TTC28: variants seen among roughly 807,000 people sequenced by gnomAD.
The protein encoded by TTC28 is tetratricopeptide repeat protein 28.
TTC28 carries 61 observed loss-of-function variants against 198.0 expected under a neutral mutation model. That is an observed-to-expected ratio of 0.31 (90% CI 0.25 to 0.38). The LOEUF is 0.38. TTC28 is among the 10% of genes least tolerant of loss of function. The pLI is 1.00. For synonymous variants in TTC28, 1,171 were observed against 1,297.8 expected, an observed-to-expected ratio of 0.90 and a Z score of 2.10; for missense variants, 2,678 against 3,164.0, an observed-to-expected ratio of 0.85 and a Z score of 3.69.
intron 13 of TTC28, among the ~76,000 whole-genome samples, chr22:28,020,666 G>A (rs1485035091): frequency 3.9e-5 from 6 of 152,150 alleles, no homozygotes; most frequent in East Asian, 3.9e-4. Flanking sequence ...CAGTGCCTGC[G>A]AGCGAGGATG....
At chr22:28,203,139 A>G (rs902203895) in intron 5 of TTC28, among the ~76,000 whole-genome samples, 25 of 151,802 alleles carry the variant, frequency 1.6e-4, no homozygotes, top group Non-Finnish European at 3.5e-4. Flanking sequence ...TTTTTAGTGG[A>G]AAAAAAACAT....
At chr22:28,074,522 GTC>G (rs1941103465) in intron 12 of TTC28, among the ~76,000 whole-genome samples, 2 of 152,162 alleles carry the variant, frequency 1.3e-5, no homozygotes, top group Non-Finnish European at 2.9e-5. Flanking sequence ...AGTCTGTTTC[GTC>G]TGGTGTTCAA....
chr22:28,037,294 C>G (rs1259464963), intron 12 of TTC28, among the ~76,000 whole-genome samples: 3 of 152,134 alleles, frequency 2.0e-5, no homozygotes, highest in Non-Finnish European at 4.4e-5. Context: ...CCGAATCCAG[C>G]AACACATCAA....
At chr22:28,039,146 T>C (rs986204599) in intron 12 of TTC28, among the ~76,000 whole-genome samples, 19 of 152,148 alleles carry the variant, frequency 1.2e-4, no homozygotes, top group African/African-American at 4.3e-4. Flanking sequence ...GAAATACCAT[T>C]TGACCCAGCC....
intron 2 of TTC28, among the ~76,000 whole-genome samples, chr22:28,604,297 T>TATATATATATATATATATATATATATA (rs1053139903): frequency 1.9e-4 from 22 of 114,052 alleles, no homozygotes; most frequent in Non-Finnish European, 2.7e-4. Context: ...AAAAAAAAAA[T>TATATATATATATATATATATATATATA]TATATATATA....
intron 6 of TTC28, among the ~76,000 whole-genome samples, chr22:28,153,240 G>A (rs1242782844): frequency 6.6e-6 from 1 of 151,684 alleles, no homozygotes; most frequent in Non-Finnish European, 1.5e-5. Flanking sequence ...CTGTAAATAA[G>A]AGGAATAATA....
intron 2 of TTC28, among the ~76,000 whole-genome samples, chr22:28,603,375 C>CT (rs538025629): frequency 0.078 from 11,495 of 146,856 alleles, 522 homozygotes; most frequent in Non-Finnish European, 0.099. Context: ...AATTTTCTTT[C>CT]TTTTTTTTTT....
At chr22:28,505,449 AC>A (rs2048598657) in intron 2 of TTC28, among the ~76,000 whole-genome samples, 1 of 152,092 alleles carries the variant, frequency 6.6e-6, no homozygotes, top group Non-Finnish European at 1.5e-5. Context: ...AAGGAGGACC[AC>A]AGAAAGCAGA....
intron 13 of TTC28, among the ~76,000 whole-genome samples, chr22:28,015,419 T>TAAAAAAAAAAAAAAA: frequency 9.1e-6 from 1 of 109,666 alleles, no homozygotes; most frequent in Non-Finnish European, 1.8e-5. Context: ...GAGATAGCTT[T>TAAAAAAAAAAAAAAA]AAAAAAAAAA....
intron 1 of TTC28, among the ~76,000 whole-genome samples, chr22:28,673,047 A>C (rs527656628): frequency 6.6e-6 from 1 of 152,238 alleles, no homozygotes; most frequent in Admixed American, 6.5e-5. Context: ...AGCACAACAA[A>C]CCTGACTTTG....
At chr22:28,603,375 C>CTTTTTTTTTT (rs538025629) in intron 2 of TTC28, among the ~76,000 whole-genome samples, 1 of 146,896 alleles carries the variant, frequency 6.8e-6, no homozygotes. Context: ...AATTTTCTTT[C>CTTTTTTTTTT]TTTTTTTTTT....
intron 2 of TTC28, among the ~76,000 whole-genome samples, chr22:28,505,395 C>G (rs1363033455): frequency 6.6e-6 from 1 of 152,070 alleles, no homozygotes; most frequent in African/African-American, 2.4e-5. Flanking sequence ...CTGAAATATC[C>G]AGGTCCTCAC....
intron 6 of TTC28, among the ~76,000 whole-genome samples, chr22:28,131,136 T>C (rs994428561): frequency 5.3e-5 from 8 of 152,252 alleles, no homozygotes; most frequent in Non-Finnish European, 1.2e-4. Context: ...ACGGTGAATT[T>C]AGAAATCCAA....
chr22:28,494,054 T>G (rs1435679617), intron 2 of TTC28, among the ~76,000 whole-genome samples: 1 of 152,226 alleles, frequency 6.6e-6, no homozygotes, highest in Non-Finnish European at 1.5e-5. Context: ...TTAAACTATC[T>G]GATAATACTA....
chr22:28,449,670 G>T (rs2047751823), intron 2 of TTC28, among the ~76,000 whole-genome samples: 1 of 152,144 alleles, frequency 6.6e-6, no homozygotes, highest in Admixed American at 6.5e-5. Flanking sequence ...TTTAATTAAG[G>T]TATTGACAAA....
intron 12 of TTC28, among the ~76,000 whole-genome samples, chr22:28,085,257 G>A (rs1384951633): frequency 6.6e-6 from 1 of 152,222 alleles, no homozygotes; most frequent in East Asian, 1.9e-4. Flanking sequence ...AGGGCAGCCA[G>A]AGAGCAAGAT....
chr22:28,000,606 G>A (rs573730487), intron 15 of TTC28: 29 of 152,534 alleles, frequency 1.9e-4, no homozygotes, highest in African/African-American at 7.0e-4. Context: ...GATGCTGCAA[G>A]TGGAGTGCCA....
intron 1 of TTC28, among the ~76,000 whole-genome samples, chr22:28,638,435 T>C (rs963727462): frequency 7.9e-5 from 12 of 151,940 alleles, no homozygotes; most frequent in African/African-American, 1.9e-4. Context: ...CAAAACAGAA[T>C]AGAAAAGACA....
chr22:28,063,504 C>G (rs1444736528), intron 12 of TTC28, among the ~76,000 whole-genome samples: 4 of 152,178 alleles, frequency 2.6e-5, no homozygotes, highest in Non-Finnish European at 5.9e-5. Flanking sequence ...AAGCTAGGAC[C>G]TTCAGGCGGT....
Sources: gnomAD v4.1 joint callset for allele counts (sites outside exome capture counted in the v4.1 genomes callset) on GRCh38, gnomAD v4.1.1 for gene constraint, MANE v1.5 for transcripts, NCBI Gene and HGNC (gene_info 2026-07-23, HGNC 2026-07-21) for gene names.